The following CDK14 variants were observed in gnomAD, a reference collection of about 807,000 sequenced individuals.
The protein encoded by CDK14 is cyclin dependent kinase 14.
Under a neutral mutation model 60.7 loss-of-function variants are expected in CDK14, and 34 were observed. That is an observed-to-expected ratio of 0.56 (90% CI 0.43 to 0.75). The LOEUF (loss-of-function observed/expected upper bound fraction) is 0.75, where lower values mean the gene tolerates loss of function less well. Among genes scored for constraint, CDK14 ranks in the 30% least tolerant of loss-of-function variants. The pLI is 0.00. For synonymous variants in CDK14, 197 were observed against 203.7 expected, an observed-to-expected ratio of 0.97 and a Z score of 0.28; for missense variants, 482 against 564.1, an observed-to-expected ratio of 0.85 and a Z score of 1.47.
At chr7:91,017,273 T>A (rs1426717947) in intron 10 of CDK14, among the ~76,000 whole-genome samples, 1 of 152,134 alleles carries the variant, frequency 6.6e-6, no homozygotes. Flanking sequence ...AAGTTCACAT[T>A]AGAGGAAGGA....
intron 10 of CDK14, among the ~76,000 whole-genome samples, chr7:90,987,880 C>A (rs925562377): frequency 6.6e-6 from 1 of 152,046 alleles, no homozygotes; most frequent in Non-Finnish European, 1.5e-5. Flanking sequence ...TAAAGCATTG[C>A]CAAGGAGATA....
chr7:90,762,883 A>G (rs1584867707), intron 4 of CDK14, among the ~76,000 whole-genome samples: 2 of 152,158 alleles, frequency 1.3e-5, no homozygotes, highest in East Asian at 3.9e-4. Flanking sequence ...CAGCTACTCA[A>G]GAGGCTGAGG....
chr7:90,913,018 C>G (rs750913151), intron 7 of CDK14, among the ~76,000 whole-genome samples: 6 of 152,034 alleles, frequency 3.9e-5, no homozygotes, highest in Non-Finnish European at 8.8e-5. Context: ...ATGGTGTTTA[C>G]CAGGTTTTAT....
At chr7:90,871,853 T>A (rs774563327) in intron 6 of CDK14, among the ~76,000 whole-genome samples, 3 of 152,174 alleles carry the variant, frequency 2.0e-5, no homozygotes, top group Admixed American at 6.5e-5. Flanking sequence ...TCTCCTGAGT[T>A]GAGTGTGAAT....
chr7:91,150,413 T>C (rs1800798266), intron 14 of CDK14, among the ~76,000 whole-genome samples: 3 of 152,232 alleles, frequency 2.0e-5, no homozygotes, highest in Non-Finnish European at 1.5e-5. Context: ...TATTTACATG[T>C]ATTTCAAACA....
intron 2 of CDK14, among the ~76,000 whole-genome samples, chr7:90,723,689 T>C (rs573519373): frequency 6.6e-6 from 1 of 152,302 alleles, no homozygotes; most frequent in South Asian, 2.1e-4. Flanking sequence ...GTGGGTGTTA[T>C]TGGGAGCCAT....
intron 3 of CDK14, among the ~76,000 whole-genome samples, chr7:90,733,055 G>T (rs1216868253): frequency 6.6e-6 from 1 of 152,050 alleles, no homozygotes; most frequent in Non-Finnish European, 1.5e-5. Context: ...GTTCTCGTTG[G>T]TTTCAAAGAA....
At chr7:90,659,631 A>G (rs1050159860) in intron 2 of CDK14, among the ~76,000 whole-genome samples, 32 of 152,174 alleles carry the variant, frequency 2.1e-4, no homozygotes, top group African/African-American at 7.7e-4. Flanking sequence ...AAGAAAAAGC[A>G]ATTCTGGTAT....
intron 11 of CDK14, among the ~76,000 whole-genome samples, chr7:91,051,159 C>G (rs1446892018): frequency 1.3e-5 from 2 of 152,124 alleles, no homozygotes; most frequent in Non-Finnish European, 2.9e-5. Context: ...AGATCTCTCA[C>G]CTGAATTAAT....
intron 14 of CDK14, among the ~76,000 whole-genome samples, chr7:91,174,778 G>T (rs1457938279): frequency 1.1e-5 from 1 of 88,052 alleles, no homozygotes; most frequent in African/African-American, 5.3e-5. Flanking sequence ...AAAGAAATGA[G>T]CAAAGCCTCC....
intron 5 of CDK14, among the ~76,000 whole-genome samples, chr7:90,859,725 A>G (rs1470047253): frequency 6.6e-6 from 1 of 152,112 alleles, no homozygotes; most frequent in African/African-American, 2.4e-5. Context: ...ACTTGGAATA[A>G]CACATCATTA....
Position 90,744,821 on chromosome 7 carries a change from G to A in CDK14, c.370-2860G>A, listed in dbSNP as rs867528932. Among the ~76,000 whole-genome samples, 19 of 90,710 alleles carry A rather than the reference G, an allele frequency of 2.1e-4. 1 individual carries two copies. Among genetic ancestry groups the A allele is most frequent in the African/African-American group, 7.0e-4 (16 of 22,908 alleles). 59.5% of individuals were successfully genotyped at this position (90,710 alleles called of 152,430 possible). A position where few individuals can be genotyped will look rare whatever the true frequency, so the allele number is the denominator to read the frequency against. ...GCGGCTGGCCGGGCGGGGGGCTGAC[G>A]CCCCCACCTCCCTCCCGGACGGGGG... On this transcript the variant is annotated intron_variant, in intron 3 of 14. Coordinates refer to ENST00000380050, the MANE Select transcript of CDK14 (RefSeq NM_001287135.2).
intron 2 of CDK14, 109 bp from the exon 3 acceptor site, chr7:90,726,458 G>A (rs1584826130): frequency 1.5e-6 from 2 of 1,307,602 alleles, no homozygotes; most frequent in African/African-American, 1.5e-5. Context: ...GGCTTTTTGG[G>A]TATTTCCTGA....
chr7:90,960,687 A>T (rs770712143), intron 9 of CDK14, among the ~76,000 whole-genome samples: 1 of 152,142 alleles, frequency 6.6e-6, no homozygotes, highest in East Asian at 1.9e-4. Flanking sequence ...ATCACCATAC[A>T]TATTGGCAGT....
At chr7:91,104,079 T>C (rs973682166) in intron 12 of CDK14, among the ~76,000 whole-genome samples, 3 of 152,202 alleles carry the variant, frequency 2.0e-5, no homozygotes, top group South Asian at 2.1e-4. Context: ...AGTTTTTTTT[T>C]AAAAGAGTTT....
At chr7:90,769,523 T>C (rs1804702214) in intron 4 of CDK14, among the ~76,000 whole-genome samples, 1 of 150,652 alleles carries the variant, frequency 6.6e-6, no homozygotes, top group African/African-American at 2.4e-5. Context: ...CTGGAATACA[T>C]TGGCACCATC....
intron 2 of CDK14, among the ~76,000 whole-genome samples, chr7:90,668,696 A>ATTATTATTTTTTTT (rs1554431005): frequency 4.4e-5 from 3 of 68,450 alleles, no homozygotes; most frequent in African/African-American, 1.2e-4. Flanking sequence ...AAGGACTCGC[A>ATTATTATTTTTTTT]TTCTTTTTTT....
intron 2 of CDK14, among the ~76,000 whole-genome samples, chr7:90,683,092 C>T (rs769841601): frequency 6.6e-6 from 1 of 152,122 alleles, no homozygotes; most frequent in Admixed American, 6.5e-5. Context: ...TGCCTTGCTC[C>T]TCATTAAAAT....
rs374372928 is a variant in CDK14, at chr7:90,849,138, A to G, written c.545-14037A>G. Among the ~76,000 whole-genome samples, 51 of 151,766 alleles carry G rather than the reference A, an allele frequency of 3.4e-4. No homozygotes were observed. In the East Asian group the frequency reaches 9.9e-3, roughly 29 times the overall value. The stretch of plus-strand genomic sequence containing the variant: ...TTTGGGTCGTGGGGGCGGATCCCTC[A>G]TGAATGGCTTGGTGCTCTTACGGGG... On this transcript the variant is annotated intron_variant, in intron 5 of 14. Transcript: ENST00000380050.
Sources: gnomAD v4.1 joint callset for allele counts (sites outside exome capture counted in the v4.1 genomes callset) on GRCh38, gnomAD v4.1.1 for gene constraint, MANE v1.5 for transcripts, NCBI Gene and HGNC (gene_info 2026-07-23, HGNC 2026-07-21) for gene names.